SPATS2L: variants seen among roughly 807,000 people sequenced by gnomAD.
SPATS2L encodes the protein SPATS2-like protein.
In SPATS2L, 30 loss-of-function variants were observed where a neutral mutation model predicts 59.6. The ratio of observed to expected loss-of-function variants is 0.50; its 90% CI spans 0.38 to 0.68. SPATS2L has a LOEUF of 0.68. Ranked by LOEUF, SPATS2L falls within the 30% of genes least tolerant of loss-of-function variation. The probability of loss-of-function intolerance (pLI) is 0.00; values close to 1 mark genes in which losing one functional copy is unlikely to be tolerated. For synonymous variants in SPATS2L, 252 were observed against 263.5 expected (o/e 0.96, Z 0.42); for missense variants, 615 against 700.0 (o/e 0.88, Z 1.37).
intron 12 of SPATS2L, among the ~76,000 whole-genome samples, chr2:200,476,903 C>T (rs1305495883): frequency 1.3e-5 from 2 of 152,166 alleles, no homozygotes; most frequent in Non-Finnish European, 2.9e-5. Context: ...GAAAGTGGCT[C>T]TCAGCAGGAG....
chr2:200,383,836 T>G (rs1023370088), intron 2 of SPATS2L: 1 of 975,410 alleles, frequency 1.0e-6, no homozygotes, highest in African/African-American at 1.8e-5. Flanking sequence ...AAATGTTTTC[T>G]TATATATTTC....
chr2:200,332,735 TA>T (rs1209515604), intron 2 of SPATS2L, among the ~76,000 whole-genome samples: 2 of 133,064 alleles, frequency 1.5e-5, no homozygotes, highest in African/African-American at 5.1e-5. Context: ...GAATTCATTA[TA>T]TTTTTTTTTT....
chr2:200,477,515 TAAAAAAAAAAAA>T, intron 12 of SPATS2L, 109 bp from the exon 13 acceptor site: 5 of 300,168 alleles, frequency 1.7e-5, no homozygotes, highest in East Asian at 1.6e-4. Context: ...TTCTGGTGTA[TAAAAAAAAAAAA>T]AAAAAAAAAA....
At chr2:200,415,828 C>T (rs1254823259) in intron 4 of SPATS2L, among the ~76,000 whole-genome samples, 1 of 152,034 alleles carries the variant, frequency 6.6e-6, no homozygotes, top group East Asian at 1.9e-4. Context: ...AGGTAGAAGC[C>T]TTGTAGACCA....
Position 200,370,145 on chromosome 2 carries a change from C to T in SPATS2L, c.-22-19078C>T, listed in dbSNP as rs561463153. Among the ~76,000 whole-genome samples the T allele has an allele frequency of 2.3e-4, 35 of 152,272 alleles. No homozygotes were observed. The South Asian group carries it at 7.3e-3, about 32-fold the overall frequency. The stretch of plus-strand genomic sequence containing the variant: ...GAGAATGGCAAAGAATGGAGAAAGC[C>T]CCCAGAAGCTTGGTGATTGACAAAA... On this transcript the variant is annotated intron_variant, in intron 2 of 12. Transcript: ENST00000409140.
intron 4 of SPATS2L, among the ~76,000 whole-genome samples, chr2:200,415,502 T>C (rs755934338): frequency 6.6e-6 from 1 of 152,144 alleles, no homozygotes; most frequent in Non-Finnish European, 1.5e-5. Flanking sequence ...AGAAATACTG[T>C]GCCTATTTAT....
chr2:200,309,107 T>A (rs1373910135), intron 1 of SPATS2L: 10 of 717,784 alleles, frequency 1.4e-5, no homozygotes, highest in Non-Finnish European at 2.6e-5. Flanking sequence ...GGTAAGCTTT[T>A]ACATCAGAAG....
chr2:200,419,620 T>G, intron 6 of SPATS2L, 124 bp downstream of exon 6: 1 of 1,099,968 alleles, frequency 9.1e-7, no homozygotes, highest in Non-Finnish European at 1.3e-6. Context: ...TGTGTACGAT[T>G]CAGCCTTCCT....
chr2:200,365,582 CA>C (rs1310745246), intron 2 of SPATS2L, among the ~76,000 whole-genome samples: 1 of 152,182 alleles, frequency 6.6e-6, no homozygotes, highest in Non-Finnish European at 1.5e-5. Context: ...ATGGATTAGC[CA>C]GAAACATTAT....
At chr2:200,330,419 T>G (rs1250373440) in intron 2 of SPATS2L, among the ~76,000 whole-genome samples, 1 of 152,234 alleles carries the variant, frequency 6.6e-6, no homozygotes, top group Non-Finnish European at 1.5e-5. Flanking sequence ...GAGTTGGTTG[T>G]TTTCCATGAA....
chr2:200,371,008 TAA>T (rs1434517671), intron 2 of SPATS2L, among the ~76,000 whole-genome samples: 1 of 152,118 alleles, frequency 6.6e-6, no homozygotes, highest in African/African-American at 2.4e-5. Context: ...ACTGCCAAAG[TAA>T]AGATTGGGGA....
intron 6 of SPATS2L, among the ~76,000 whole-genome samples, chr2:200,435,496 G>A (rs188399089): frequency 6.1e-4 from 93 of 152,174 alleles, no homozygotes; most frequent in Admixed American, 2.5e-3. Context: ...CACAGCCAGA[G>A]ACTCATATCA....
chr2:200,471,557 A>C (rs1345273901), intron 11 of SPATS2L, among the ~76,000 whole-genome samples: 1 of 152,158 alleles, frequency 6.6e-6, no homozygotes, highest in Non-Finnish European at 1.5e-5. Context: ...GTAATCATCC[A>C]AAGGCCCTTC....
At position 200,427,190 on chromosome 2, in the gene SPATS2L, A is replaced by T. The variant is rs570566359; in HGVS notation, c.445+7694A>T. On this transcript the variant is annotated intron_variant, in intron 6 of 12. Transcript: ENST00000409140. The stretch of plus-strand genomic sequence containing the variant: ...TACAAAGATCAAAAGGCTTTCAAAA[A>T]TTTTTCTTAAGATTTTTGAACAAAG... 2.6e-5 allele frequency among the ~76,000 whole-genome samples: 4 copies of T among 152,208 alleles called. No homozygotes were observed. In the South Asian group the frequency reaches 8.3e-4, roughly 32 times the overall value.
At chr2:200,402,327 T>C (rs1363928340) in intron 3 of SPATS2L, among the ~76,000 whole-genome samples, 1 of 152,230 alleles carries the variant, frequency 6.6e-6, no homozygotes, top group Non-Finnish European at 1.5e-5. Flanking sequence ...TTTTGCTTTG[T>C]GCCTTTCTTC....
chr2:200,468,836 C>A (rs981250480), intron 10 of SPATS2L, among the ~76,000 whole-genome samples: 12 of 152,348 alleles, frequency 7.9e-5, no homozygotes, highest in African/African-American at 2.4e-4. Context: ...ACAAAAATCC[C>A]AGCTTGTTAG....
chr2:200,424,674 C>T (rs903955720), intron 6 of SPATS2L, among the ~76,000 whole-genome samples: 16 of 152,130 alleles, frequency 1.1e-4, no homozygotes, highest in African/African-American at 3.9e-4. Flanking sequence ...TACTTGTCTC[C>T]ACTTAGGCCA....
At chr2:200,446,397 C>T (rs2085046169) in intron 8 of SPATS2L, among the ~76,000 whole-genome samples, 1 of 152,148 alleles carries the variant, frequency 6.6e-6, no homozygotes, top group African/African-American at 2.4e-5. Flanking sequence ...GGTTGAGAGT[C>T]TTGCAAAGGG....
intron 8 of SPATS2L, among the ~76,000 whole-genome samples, chr2:200,453,804 G>C (rs2085641207): frequency 6.6e-6 from 1 of 152,192 alleles, no homozygotes; most frequent in Non-Finnish European, 1.5e-5. Context: ...TTTCTTTTTA[G>C]TGAAAGAAAT....
Sources: allele counts gnomAD v4.1 joint callset (sites outside exome capture counted in the v4.1 genomes callset), GRCh38; gene constraint gnomAD v4.1.1; transcripts MANE v1.5; gene names NCBI Gene and HGNC (gene_info 2026-07-23, HGNC 2026-07-21).